The following TMX3 variants were observed in gnomAD, a reference collection of about 807,000 sequenced individuals.
TMX3 encodes protein disulfide-isomerase TMX3.
A neutral mutation model predicts 64.4 loss-of-function variants in TMX3; 40 were observed. The observed-to-expected ratio is 0.62, with a 90% CI of 0.48 to 0.81. TMX3 has a LOEUF of 0.81. TMX3 is among the 30% of genes least tolerant of loss of function. The probability of loss-of-function intolerance (pLI) is 0.00; values close to 1 mark genes in which losing one functional copy is unlikely to be tolerated. For missense variants in TMX3, 497 were observed against 534.5 expected (o/e 0.93, Z 0.69); for synonymous variants, 189 against 175.7 (o/e 1.08, Z -0.60).
chr18:68,709,218 A>G (rs2031019241), intron 4 of TMX3, among the ~76,000 whole-genome samples: 2 of 152,202 alleles, frequency 1.3e-5, no homozygotes. Context: ...AGTAGCAGGC[A>G]GAGCGAGGAT....
intron 14 of TMX3, among the ~76,000 whole-genome samples, chr18:68,680,471 T>A (rs950895171): frequency 6.6e-6 from 1 of 152,194 alleles, no homozygotes; most frequent in African/African-American, 2.4e-5. Flanking sequence ...AGAAATATTT[T>A]ATAGGATTAA....
Position 68,676,699 on chromosome 18 carries a change from A to G in TMX3, c.*234T>C, listed in dbSNP as rs979284908. 9.3e-6 allele frequency: 5 copies of G among 534,956 alleles called. No individual in the cohort carries two copies. The highest frequency in any genetic ancestry group is 1.6e-5 in the Non-Finnish European group (5 of 303,664). 33.1% of individuals were successfully genotyped at this position (534,956 alleles called of 1,614,324 possible). A position where few individuals can be genotyped will look rare whatever the true frequency, so the allele number is the denominator to read the frequency against. Reference sequence around the variant, plus strand: ...ATAGAATTGTTCTGTTCTAATCACAAAGATCAGGTAAATTTTGATGGAGTG... The same window carrying G: ...ATAGAATTGTTCTGTTCTAATCACAGAGATCAGGTAAATTTTGATGGAGTG... On this transcript the variant is annotated 3_prime_UTR_variant, in exon 16 of 16. Coordinates refer to ENST00000299608, the MANE Select transcript of TMX3 (RefSeq NM_019022.5).
At chr18:68,713,947 C>A in intron 1 of TMX3, 47 bp from the exon 2 acceptor site, 1 of 1,371,576 alleles carries the variant, frequency 7.3e-7, no homozygotes, top group Non-Finnish European at 1.0e-6. Flanking sequence ...GATTATTTGG[C>A]TCATACCGTA....
At chr18:68,714,572 C>A in intron 1 of TMX3, 1 of 342,922 alleles carries the variant, frequency 2.9e-6, no homozygotes, top group Non-Finnish European at 5.4e-6. Context: ...CGTGACAAGA[C>A]TCGGAACCTA....
rs1485298253 is a variant in TMX3, at chr18:68,676,393, CAAAAT to C, written c.*535_*539del. 6.6e-6 allele frequency: 1 copy of C among 152,062 alleles called. No individual in the cohort carries two copies. The highest frequency in any genetic ancestry group is 1.5e-5 in the Non-Finnish European group (1 of 68,050). 9.4% of individuals were successfully genotyped at this position (152,062 alleles called of 1,614,324 possible). A position where few individuals can be genotyped will look rare whatever the true frequency, so the allele number is the denominator to read the frequency against. The stretch of plus-strand genomic sequence containing the variant: ...TTTCTTCTCCTTTAAAAATAACTAA[CAAAAT>C]AAAACCACTATGCTATATAAAACCA... On this transcript the variant is annotated 3_prime_UTR_variant, in exon 16 of 16. Coordinates refer to ENST00000299608, the MANE Select transcript of TMX3 (RefSeq NM_019022.5).
chr18:68,687,190 T>C, intron 10 of TMX3: 1 of 985,440 alleles, frequency 1.0e-6, no homozygotes, highest in Non-Finnish European at 1.2e-6. Context: ...GACCATATAA[T>C]CGGCTTCTTA....
chr18:68,682,850 CCTT>C, intron 13 of TMX3, 72 bp downstream of exon 13: 1 of 1,304,616 alleles, frequency 7.7e-7, no homozygotes, highest in East Asian at 2.4e-5. Flanking sequence ...GCTATTTAAT[CCTT>C]CTACCTGTAT....
chr18:68,674,076 A>G lies in TMX3; in HGVS notation c.*2857T>C, dbSNP rs1912738428. On this transcript the variant is annotated 3_prime_UTR_variant, in exon 16 of 16. Coordinates refer to ENST00000299608, the MANE Select transcript of TMX3 (RefSeq NM_019022.5). ...CAAAGCAAAACACACACAAAAAGTCACTAACAATATCCACTAAACAAAAAC... is the reference window on the plus strand; with the variant it reads ...CAAAGCAAAACACACACAAAAAGTCGCTAACAATATCCACTAAACAAAAAC... 1 of 152,176 alleles carries G rather than the reference A, an allele frequency of 6.6e-6. No individual in the cohort carries two copies. Among genetic ancestry groups the G allele is most frequent in the South Asian group, 2.1e-4 (1 of 4,828 alleles). The allele number at this position is 152,176 out of a possible 1,614,324, so 9.4% of individuals were successfully genotyped here.
chr18:68,693,259 G>C (rs528882277), intron 8 of TMX3, among the ~76,000 whole-genome samples: 75 of 152,318 alleles, frequency 4.9e-4, no homozygotes, highest in African/African-American at 1.7e-3. Context: ...AGGCGCAGCA[G>C]GGACTGCACG....
chr18:68,710,006 T>C lies in TMX3; in HGVS notation c.265+15A>G. 1.9e-6 allele frequency: 3 copies of C among 1,567,438 alleles called. No individual in the cohort carries two copies. The highest frequency in any genetic ancestry group is 2.6e-6 in the Non-Finnish European group (3 of 1,161,516). On this transcript the variant is annotated intron_variant, in intron 4 of 15. Coordinates refer to ENST00000299608, the MANE Select transcript of TMX3 (RefSeq NM_019022.5). ...CTGTGAGAACAGTAAAATAATAAAC[T>C]AAGTGAAGGCTTACTAGAATAGGAA...
Position 68,684,201 on chromosome 18 carries a change from G to C in TMX3, c.837C>G (p.Asp279Glu). 6.2e-7 allele frequency: 1 copy of C among 1,610,248 alleles called. No individual in the cohort carries two copies. Among genetic ancestry groups the C allele is most frequent in the Non-Finnish European group, 8.5e-7 (1 of 1,177,500 alleles). Residue 279 changes from aspartate to glutamate, a missense_variant, in exon 12 of 16, where the codon GAC becomes GAG. Transcript: ENST00000299608. Reference sequence around the variant, plus strand: ...ATATAAGCACCTACCTATGGAAGAGGTCTCTGTAATCTCTTGCAACTTCCT... The same window carrying C: ...ATATAAGCACCTACCTATGGAAGAGCTCTCTGTAATCTCTTGCAACTTCCT... ...IIQEVARDYR[D>E]LFHRDFQFGH... is the part of the protein sequence containing the mutation.
At chr18:68,679,404 C>T in intron 15 of TMX3, 59 bp downstream of exon 15, 2 of 1,401,344 alleles carry the variant, frequency 1.4e-6, no homozygotes, top group Non-Finnish European at 9.8e-7. Flanking sequence ...TTTAACACAG[C>T]TAGACATAAA....
chr18:68,700,801 T>A (rs1242353416), intron 5 of TMX3: 43 of 985,140 alleles, frequency 4.4e-5, no homozygotes, highest in Non-Finnish European at 4.8e-5. Flanking sequence ...TAAAGTACTA[T>A]AATTCTCATT....
At chr18:68,690,309 G>C (rs751487267) in intron 9 of TMX3, among the ~76,000 whole-genome samples, 1 of 151,902 alleles carries the variant, frequency 6.6e-6, no homozygotes, top group Non-Finnish European at 1.5e-5. Context: ...AACACAGTTC[G>C]TGAGAACAAG....
intron 8 of TMX3, among the ~76,000 whole-genome samples, chr18:68,691,969 T>C (rs1032147674): frequency 2.0e-5 from 3 of 152,124 alleles, no homozygotes; most frequent in Non-Finnish European, 2.9e-5. Flanking sequence ...TACATGAGCA[T>C]GTTAATACTG....
intron 4 of TMX3, among the ~76,000 whole-genome samples, chr18:68,705,273 C>T (rs1404409828): frequency 6.6e-6 from 1 of 152,050 alleles, no homozygotes; most frequent in Admixed American, 6.5e-5. Flanking sequence ...GTCAATAGTG[C>T]AAGGCTGATA....
At chr18:68,705,123 G>C (rs563748437) in intron 4 of TMX3, among the ~76,000 whole-genome samples, 1 of 152,222 alleles carries the variant, frequency 6.6e-6, no homozygotes, top group Non-Finnish European at 1.5e-5. Context: ...GAGTAAGGGG[G>C]TAGGAGGAGA....
intron 8 of TMX3, among the ~76,000 whole-genome samples, chr18:68,693,392 G>C (rs763288282): frequency 3.3e-5 from 5 of 152,102 alleles, no homozygotes; most frequent in Non-Finnish European, 5.9e-5. Context: ...TCTGGACCCT[G>C]GCATCCCTGA....
chr18:68,705,483 T>C (rs528835290), intron 4 of TMX3, among the ~76,000 whole-genome samples: 38 of 152,214 alleles, frequency 2.5e-4, no homozygotes, highest in Non-Finnish European at 4.4e-4. Context: ...AGAATGTTAT[T>C]GGCCAAATGT....
Sources: allele counts gnomAD v4.1 joint callset (sites outside exome capture counted in the v4.1 genomes callset), GRCh38; gene constraint gnomAD v4.1.1; transcripts MANE v1.5; gene names NCBI Gene and HGNC (gene_info 2026-07-23, HGNC 2026-07-21).